The following CSMD1 variants were observed in gnomAD, a reference collection of about 807,000 sequenced individuals.
CSMD1 encodes CUB and sushi domain-containing protein 1.
CSMD1 carries 213 observed loss-of-function variants against 417.5 expected under a neutral mutation model. That is an observed-to-expected ratio of 0.51 (90% CI 0.46 to 0.57). The LOEUF (loss-of-function observed/expected upper bound fraction) is 0.57, where lower values mean the gene tolerates loss of function less well. Ranked by LOEUF, CSMD1 falls within the 20% of genes least tolerant of loss-of-function variation. The pLI is 0.00. For missense variants in CSMD1, 6,923 were observed against 4,529.7 expected (o/e 1.53, Z -15.17); for synonymous variants, 2,862 against 1,736.8 (o/e 1.65, Z -16.11).
chr8:3,058,928 C>T (rs1410483297), intron 49 of CSMD1, among the ~76,000 whole-genome samples: 1 of 152,108 alleles, frequency 6.6e-6, no homozygotes, highest in African/African-American at 2.4e-5. Context: ...CCCCTTGCTG[C>T]TTCTCTGAAT....
chr8:3,361,638 C>A (rs1343880925), intron 20 of CSMD1, among the ~76,000 whole-genome samples: 4 of 83,896 alleles, frequency 4.8e-5, no homozygotes, highest in African/African-American at 9.6e-5. Context: ...GGCAACAGAG[C>A]AAGATTCCAT....
chr8:3,534,192 C>T (rs1458381119), intron 10 of CSMD1, among the ~76,000 whole-genome samples: 1 of 152,178 alleles, frequency 6.6e-6, no homozygotes, highest in Non-Finnish European at 1.5e-5. Flanking sequence ...TCATCACTTA[C>T]TCACTCCTGC....
chr8:4,264,487 G>C (rs1804104732), intron 3 of CSMD1, among the ~76,000 whole-genome samples: 1 of 152,152 alleles, frequency 6.6e-6, no homozygotes, highest in Non-Finnish European at 1.5e-5. Context: ...CATCGTTCTA[G>C]TTTACAAGCT....
chr8:4,437,472 GAA>G (rs1006393768), intron 2 of CSMD1, among the ~76,000 whole-genome samples: 3 of 152,242 alleles, frequency 2.0e-5, no homozygotes, highest in South Asian at 2.1e-4. Flanking sequence ...TTAATTACAT[GAA>G]AAGTTTCCTC....
intron 8 of CSMD1, among the ~76,000 whole-genome samples, chr8:3,613,618 T>G (rs1402342086): frequency 6.6e-6 from 1 of 151,618 alleles, no homozygotes; most frequent in Non-Finnish European, 1.5e-5. Context: ...TAAGCCCTCA[T>G]ATTCACAAAA....
At chr8:3,752,180 A>G (rs944037312) in intron 6 of CSMD1, among the ~76,000 whole-genome samples, 2 of 152,120 alleles carry the variant, frequency 1.3e-5, no homozygotes, top group African/African-American at 4.8e-5. Context: ...AACGGCAGAT[A>G]TGGGGAGGTA....
chr8:4,541,812 G>C (rs952921010), intron 2 of CSMD1, among the ~76,000 whole-genome samples: 3 of 152,052 alleles, frequency 2.0e-5, no homozygotes, highest in Admixed American at 6.6e-5. Flanking sequence ...ATAATAATAA[G>C]TGGAATTCTC....
chr8:3,481,980 T>C (rs1415403657), intron 11 of CSMD1, among the ~76,000 whole-genome samples: 5 of 152,202 alleles, frequency 3.3e-5, no homozygotes, highest in African/African-American at 1.2e-4. Flanking sequence ...TAGACTGTTA[T>C]AAGTCACATA....
intron 1 of CSMD1, among the ~76,000 whole-genome samples, chr8:4,898,675 G>T (rs1178395181): frequency 1.3e-5 from 2 of 152,088 alleles, no homozygotes; most frequent in African/African-American, 2.4e-5. Context: ...ATACAGACAG[G>T]AAAGACTGAG....
chr8:3,884,763 T>C (rs2688387), intron 5 of CSMD1, among the ~76,000 whole-genome samples: 140,863 of 152,026 alleles, frequency 0.93, 65,339 homozygotes, highest in Middle Eastern at 0.98. Flanking sequence ...ATAATGATTC[T>C]AATCCCAATA....
chr8:3,770,045 T>G (rs1000191355), intron 5 of CSMD1, among the ~76,000 whole-genome samples: 1 of 152,232 alleles, frequency 6.6e-6, no homozygotes, highest in African/African-American at 2.4e-5. Flanking sequence ...TTTGCTGTGA[T>G]TCCTGATCAG....
At chr8:4,822,061 C>G (rs1410234636) in intron 1 of CSMD1, among the ~76,000 whole-genome samples, 1 of 152,056 alleles carries the variant, frequency 6.6e-6, no homozygotes. Flanking sequence ...CTTTTCTATT[C>G]TCTTCCTTTC....
intron 2 of CSMD1, among the ~76,000 whole-genome samples, chr8:4,466,912 G>GT: frequency 6.6e-6 from 1 of 152,012 alleles, no homozygotes. Flanking sequence ...TTTACAGTGT[G>GT]TTTTTACAGC....
At chr8:3,308,958 C>A (rs1009451104) in intron 23 of CSMD1, among the ~76,000 whole-genome samples, 2 of 152,052 alleles carry the variant, frequency 1.3e-5, no homozygotes, top group Non-Finnish European at 2.9e-5. Context: ...TACCTGACTT[C>A]AGGCAATCCA....
chr8:3,818,091 T>C (rs1215345654), intron 5 of CSMD1, among the ~76,000 whole-genome samples: 1 of 151,996 alleles, frequency 6.6e-6, no homozygotes, highest in Non-Finnish European at 1.5e-5. Context: ...TCAGCCAGCC[T>C]GGCACCATGT....
intron 7 of CSMD1, among the ~76,000 whole-genome samples, chr8:3,698,650 C>T (rs1017383217): frequency 6.6e-6 from 1 of 152,160 alleles, no homozygotes; most frequent in African/African-American, 2.4e-5. Context: ...TGATGAGAGG[C>T]ATTTCTGGCA....
chr8:4,988,554 A>T (rs1422916606), intron 1 of CSMD1, among the ~76,000 whole-genome samples: 1 of 152,238 alleles, frequency 6.6e-6, no homozygotes, highest in Non-Finnish European at 1.5e-5. Context: ...ACTGAAGTTA[A>T]TTTGTTGAAA....
intron 3 of CSMD1, among the ~76,000 whole-genome samples, chr8:4,319,730 T>C (rs1428372095): frequency 6.6e-6 from 1 of 152,008 alleles, no homozygotes; most frequent in Non-Finnish European, 1.5e-5. Flanking sequence ...GAAAAAGAAC[T>C]GAGACTTGCC....
chr8:4,240,662 A>T (rs962692824), intron 3 of CSMD1, among the ~76,000 whole-genome samples: 1 of 152,090 alleles, frequency 6.6e-6, no homozygotes, highest in Admixed American at 6.5e-5. Context: ...CTCCCCTTAT[A>T]CACTCCTGGC....
Sources: allele counts gnomAD v4.1 joint callset (sites outside exome capture counted in the v4.1 genomes callset), GRCh38; gene constraint gnomAD v4.1.1; transcripts MANE v1.5; gene names NCBI Gene and HGNC (gene_info 2026-07-23, HGNC 2026-07-21).